Variants in LMF1 observed in about 807,000 individuals in gnomAD.
The protein encoded by LMF1 is lipase maturation factor 1.
A neutral mutation model predicts 60.6 loss-of-function variants in LMF1; 68 were observed. The observed-to-expected ratio is 1.12, with a 90% CI of 0.92 to 1.37. LMF1 has a LOEUF of 1.37. LMF1 is among the 40% of genes most tolerant of loss of function. LMF1 has a pLI of 0.00. For synonymous variants in LMF1, 418 were observed against 324.7 expected (o/e 1.29, Z -3.09); for missense variants, 948 against 767.2 (o/e 1.24, Z -2.78).
chr16:952,315 C>CCG (rs1555473480), intron 2 of LMF1, among the ~76,000 whole-genome samples: 1 of 151,076 alleles, frequency 6.6e-6, no homozygotes, highest in Non-Finnish European at 1.5e-5. Flanking sequence ...GGGACCCCCC[C>CCG]CCACAGGTGC....
chr16:891,983 G>A (rs550450257), intron 5 of LMF1, among the ~76,000 whole-genome samples: 1 of 152,312 alleles, frequency 6.6e-6, no homozygotes, highest in Admixed American at 6.5e-5. Flanking sequence ...CCTCAGCAAG[G>A]CGGGGCACTT....
chr16:975,557 G>C (rs1446121584), upstream of LMF1, among the ~76,000 whole-genome samples: 1 of 152,244 alleles, frequency 6.6e-6, no homozygotes, highest in African/African-American at 2.4e-5. Flanking sequence ...AGAAAGGCAG[G>C]GGAAAGGCTG....
At chr16:883,622 AC>A (rs1324269705) in intron 5 of LMF1, among the ~76,000 whole-genome samples, 2 of 152,254 alleles carry the variant, frequency 1.3e-5, no homozygotes, top group East Asian at 3.8e-4. Flanking sequence ...CAGCACTCGT[AC>A]CCGTGTAAGC....
chr16:968,344 A>G (rs2072969528), intron 1 of LMF1: 1 of 152,224 alleles, frequency 6.6e-6, no homozygotes, highest in Non-Finnish European at 1.5e-5. Context: ...CCTCAGTTCA[A>G]TGTCTTTTAA....
chr16:975,727 C>T (rs779835962), upstream of LMF1: 9 of 441,792 alleles, frequency 2.0e-5, no homozygotes, highest in South Asian at 9.5e-5. Context: ...TCCTTCCCCA[C>T]GCTCAGAAAA....
intron 10 of LMF1, among the ~76,000 whole-genome samples, chr16:861,126 T>A (rs2069451915): frequency 6.6e-6 from 1 of 152,148 alleles, no homozygotes; most frequent in Admixed American, 6.5e-5. Context: ...TCTCTAGGTG[T>A]GTGCTGACGT....
upstream of LMF1, among the ~76,000 whole-genome samples, chr16:975,322 A>C (rs1330154868): frequency 6.8e-6 from 1 of 148,032 alleles, no homozygotes; most frequent in African/African-American, 2.5e-5. Flanking sequence ...CGAATGTGTA[A>C]TTTTTTTTTT....
At chr16:871,068 C>A in intron 7 of LMF1, 93 bp downstream of exon 7, 1 of 1,432,422 alleles carries the variant, frequency 7.0e-7, no homozygotes, top group East Asian at 2.5e-5. Context: ...TCCTCCTACC[C>A]TGGCGTCCCC....
rs758478909 is a variant in LMF1, at chr16:970,901, G to T, written c.80C>A (p.Pro27His). Residue 27 changes from proline to histidine, a missense_variant, in exon 1 of 11, where the codon CCT becomes CAT. Pro to His is a moderately conservative substitution (Grantham distance 77). Coordinates refer to ENST00000262301, the MANE Select transcript of LMF1 (RefSeq NM_022773.4). ...ACGCCCCGGCGCGGGCGGCGACTCA[G>T]GCTCCGGATCCGAGTACCCAGTCTT... Reference protein sequence around the residue: ...RRKTGYSDPEPESPPAPGRGP... With the variant: ...RRKTGYSDPEHESPPAPGRGP... The T allele has an allele frequency of 1.3e-6, 2 of 1,581,732 alleles. No homozygotes were observed. The highest frequency in any genetic ancestry group is 3.5e-5 in the Admixed American group (2 of 57,208).
intron 1 of LMF1, chr16:977,146 G>T: frequency 2.2e-6 from 1 of 452,910 alleles, no homozygotes. Flanking sequence ...CCCTGTGAGC[G>T]CCAGGAAGCT....
At chr16:905,142 C>CTGTG (rs2070940863) in intron 4 of LMF1, 1 of 152,302 alleles carries the variant, frequency 6.6e-6, no homozygotes, top group Non-Finnish European at 1.3e-5. Flanking sequence ...GCACTGCCCA[C>CTGTG]AGGACGCCTG....
At chr16:925,317 A>G (rs1182956222) in intron 3 of LMF1, among the ~76,000 whole-genome samples, 1 of 152,264 alleles carries the variant, frequency 6.6e-6, no homozygotes, top group East Asian at 1.9e-4. Flanking sequence ...AGTAGTTTAG[A>G]ATTCTGCATA....
At chr16:964,905 C>T (rs953342460) in intron 1 of LMF1, among the ~76,000 whole-genome samples, 2 of 152,226 alleles carry the variant, frequency 1.3e-5, no homozygotes, top group African/African-American at 2.4e-5. Flanking sequence ...AACTGCCCCA[C>T]GCGGAAAAGA....
intron 6 of LMF1, 77 bp downstream of exon 6, chr16:879,493 A>G (rs1414924032): frequency 3.3e-6 from 5 of 1,531,438 alleles, no homozygotes; most frequent in Non-Finnish European, 4.4e-6. Flanking sequence ...GTCCTCCCAG[A>G]GAGCGGGGCA....
intron 3 of LMF1, among the ~76,000 whole-genome samples, chr16:928,948 G>C (rs879374466): frequency 9.2e-5 from 14 of 152,202 alleles, no homozygotes; most frequent in Non-Finnish European, 2.1e-4. Flanking sequence ...ACTCTATCTG[G>C]GCACAAAGAC....
At chr16:886,319 CCT>C (rs934940591) in intron 5 of LMF1, among the ~76,000 whole-genome samples, 6 of 152,122 alleles carry the variant, frequency 3.9e-5, no homozygotes, top group African/African-American at 9.7e-5. Context: ...AGGCGCCACC[CCT>C]GTCTCCCCCA....
chr16:896,516 C>T (rs139222884), intron 4 of LMF1, among the ~76,000 whole-genome samples: 21 of 152,304 alleles, frequency 1.4e-4, no homozygotes, highest in Non-Finnish European at 2.5e-4. Flanking sequence ...ACAAAAGCAC[C>T]GGAGACTGTT....
At position 869,504 on chromosome 16, in the gene LMF1, A is replaced by G. The variant is rs1270207198; in HGVS notation, c.1416+379T>C. The G allele has an allele frequency of 2.7e-5, 15 of 550,474 alleles. 1 individual carries two copies. The highest frequency in any genetic ancestry group is 2.6e-4 in the African/African-American group (14 of 53,738). 34.1% of individuals were successfully genotyped at this position (550,474 alleles called of 1,614,324 possible). On this transcript the variant is annotated intron_variant, in intron 9 of 10. Transcript: ENST00000262301. ...TGGAAGGCAACGCTGCCATCATTTG[A>G]GGCTGCAGCGGTTGGGCTCAATCGA...
intron 1 of LMF1, chr16:964,012 G>A (rs1331645431): frequency 8.8e-6 from 4 of 455,782 alleles, no homozygotes; most frequent in African/African-American, 4.0e-5. Context: ...GAGCCATGGC[G>A]GCCACCCGCC....
Sources: allele counts gnomAD v4.1 joint callset (sites outside exome capture counted in the v4.1 genomes callset), GRCh38; gene constraint gnomAD v4.1.1; transcripts MANE v1.5; gene names NCBI Gene and HGNC (gene_info 2026-07-23, HGNC 2026-07-21).